The following ZNF546 variants were observed in gnomAD, a reference collection of about 807,000 sequenced individuals.
The protein encoded by ZNF546 is CTC-471F3.6.
A neutral mutation model predicts 76.2 loss-of-function variants in ZNF546; 60 were observed. The observed-to-expected ratio is 0.79, with a 90% CI of 0.64 to 0.98. The LOEUF (loss-of-function observed/expected upper bound fraction) is 0.98. ZNF546 is among the 50% of genes least tolerant of loss of function. The pLI, the probability that ZNF546 is intolerant of heterozygous loss-of-function variation, is 0.00. For synonymous variants in ZNF546, 277 were observed against 328.1 expected (o/e 0.84, Z 1.68); for missense variants, 936 against 1,035.6 (o/e 0.90, Z 1.32).
At chr19:40,003,066 C>T (rs1480426805) in intron 3 of ZNF546, among the ~76,000 whole-genome samples, 2 of 130,790 alleles carry the variant, frequency 1.5e-5, no homozygotes, top group African/African-American at 2.9e-5. Context: ...GACAGAGTCT[C>T]GCTCTGTCGC....
chr19:40,006,022 G>A, intron 3 of ZNF546, 74 bp from the exon 4 acceptor site: 2 of 1,250,524 alleles, frequency 1.6e-6, no homozygotes, highest in Non-Finnish European at 2.3e-6. Context: ...GGCATAACAG[G>A]ATCTTATTAA....
intron 3 of ZNF546, among the ~76,000 whole-genome samples, chr19:40,000,762 G>C (rs1007797549): frequency 1.3e-5 from 2 of 152,038 alleles, no homozygotes; most frequent in South Asian, 4.1e-4. Flanking sequence ...TATTACAGCA[G>C]TTCCCAACCT....
In ZNF546 at chr19:40,018,643, C is replaced by CT. The variant is rs1971812105; in HGVS notation, c.*2863dup. On this transcript the variant is annotated 3_prime_UTR_variant, in exon 7 of 7. Transcript: ENST00000347077. ...AGGAATAACACTGTGATTTCCACGA[C>CT]TAAGTCATAAAAGGCAATACAGCTT... 2 of 152,210 alleles carry CT rather than the reference C, an allele frequency of 1.3e-5. No homozygotes were observed. The highest frequency in any genetic ancestry group is 2.9e-5 in the Non-Finnish European group (2 of 68,048). The allele number at this position is 152,210 out of a possible 1,614,324, so 9.4% of individuals were successfully genotyped here. A position where few individuals can be genotyped will look rare whatever the true frequency, so the allele number is the denominator to read the frequency against.
At chr19:40,002,797 G>A (rs571255260) in intron 3 of ZNF546, among the ~76,000 whole-genome samples, 12 of 150,166 alleles carry the variant, frequency 8.0e-5, no homozygotes, top group African/African-American at 2.9e-4. Flanking sequence ...CCTCCCGGGT[G>A]GAAGCGATTT....
chr19:40,008,126 G>T (rs144624262), intron 5 of ZNF546, among the ~76,000 whole-genome samples: 1 of 152,312 alleles, frequency 6.6e-6, no homozygotes, highest in African/African-American at 2.4e-5. Flanking sequence ...GTGAATATGT[G>T]CAGGGTAACT....
At position 40,013,903 on chromosome 19, in the gene ZNF546, T is replaced by C. The variant is rs1396852332; in HGVS notation, c.633T>C (p.His211=). ...CTCATCCTCTACATCCAAAAATTCA[T>C]GCTAGAGAGAAATCATATGAATGTA... ...QISHPLHPKI[H]AREKSYECKE... The change falls in exon 7 of 7, where the codon CAT becomes CAC. Residue 211 remains histidine, a synonymous_variant. Transcript: ENST00000347077. 1 of 1,607,748 alleles carries C rather than the reference T, an allele frequency of 6.2e-7. No homozygotes were observed. The highest frequency in any genetic ancestry group is 1.3e-5 in the African/African-American group (1 of 74,556).
At position 40,017,358 on chromosome 19, in the gene ZNF546, C is replaced by T. The variant is rs1264178577; in HGVS notation, c.*1577C>T. On this transcript the variant is annotated 3_prime_UTR_variant, in exon 7 of 7. Coordinates refer to ENST00000347077, the MANE Select transcript of ZNF546 (RefSeq NM_178544.5). ...TGATAAATTAAAAACAGCCACTATC[C>T]ATTTGGAAAACTTAAAAGAATAATG... 2.0e-5 allele frequency: 3 copies of T among 149,782 alleles called. No individual in the cohort carries two copies. The highest frequency in any genetic ancestry group is 2.9e-5 in the Non-Finnish European group (2 of 67,992). 9.3% of individuals were successfully genotyped at this position (149,782 alleles called of 1,614,324 possible). A position where few individuals can be genotyped will look rare whatever the true frequency, so the allele number is the denominator to read the frequency against.
At position 40,015,344 on chromosome 19, in the gene ZNF546, C is replaced by G. The variant is rs535418950; in HGVS notation, c.2074C>G (p.Pro692Ala). 1.2e-6 allele frequency: 2 copies of G among 1,614,090 alleles called. No individual in the cohort carries two copies. Among genetic ancestry groups the G allele is most frequent in the East Asian group, 4.5e-5 (2 of 44,874 alleles). Residue 692 changes from proline to alanine, a missense_variant, in exon 7 of 7, where the codon CCC (proline) becomes GCC (alanine). Pro to Ala is a conservative substitution (Grantham distance 27). Coordinates refer to ENST00000347077, the MANE Select transcript of ZNF546 (RefSeq NM_178544.5). ...TCACAGAGGCCATACTGGTGAGAAG[C>G]CCTACATATGTAATGAATGTGGGAA... The part of the protein sequence containing the change: ...QHHRGHTGEK[P>A]YICNECGNAF...
At chr19:39,998,219 A>G (rs930449273) in intron 2 of ZNF546, 29 bp from the exon 3 acceptor site, 13 of 783,622 alleles carry the variant, frequency 1.7e-5, no homozygotes, top group Non-Finnish European at 2.5e-5. Context: ...AAATCTTTAA[A>G]TAAATGCATA....
chr19:40,015,062 C>T lies in ZNF546; in HGVS notation c.1792C>T (p.Gln598Ter). ...KIFSRRYNLT[Q>*]HFKIHTGEKP... ...TTTTAGTCGTCGCTATAATCTTACTCAACATTTTAAAATTCATACTGGTGA... is the reference window on the plus strand; with the variant it reads ...TTTTAGTCGTCGCTATAATCTTACTTAACATTTTAAAATTCATACTGGTGA... Residue 598 changes from glutamine to a stop codon, truncating the protein, a stop_gained, in exon 7 of 7, where the codon CAA (glutamine) becomes TAA (stop). Coordinates refer to ENST00000347077, the MANE Select transcript of ZNF546 (RefSeq NM_178544.5). LOFTEE classifies it high-confidence loss of function. 1.2e-6 allele frequency: 2 copies of T among 1,613,940 alleles called. No homozygotes were observed. The highest frequency in any genetic ancestry group is 1.1e-5 in the South Asian group (1 of 91,068).
intron 4 of ZNF546, among the ~76,000 whole-genome samples, chr19:40,006,879 G>C (rs757244241): frequency 6.6e-6 from 1 of 152,190 alleles, no homozygotes; most frequent in Non-Finnish European, 1.5e-5. Context: ...TTTGCATCAT[G>C]ATGAACCAGA....
At chr19:40,010,448 T>G (rs951073250) in intron 6 of ZNF546, among the ~76,000 whole-genome samples, 1 of 152,088 alleles carries the variant, frequency 6.6e-6, no homozygotes, top group Admixed American at 6.5e-5. Flanking sequence ...CTTTTTACTT[T>G]CCCAGCAGAA....
chr19:40,014,778 G>C lies in ZNF546; in HGVS notation c.1508G>C (p.Gly503Ala), dbSNP rs140296932. Reference sequence around the variant, plus strand: ...ATTCCCTATGAATGTAAGGAATGTGGAAAAACCTTCAGTAGTCGCTATCAT... The same window carrying C: ...ATTCCCTATGAATGTAAGGAATGTGCAAAAACCTTCAGTAGTCGCTATCAT... ...GEIPYECKEC[G>A]KTFSSRYHLT... Residue 503 changes from glycine (G) to alanine (A), a missense_variant, in exon 7 of 7, where the codon GGA becomes GCA. By Grantham distance (60) the Gly-to-Ala change is moderately conservative (BLOSUM62 0). Coordinates refer to ENST00000347077, the MANE Select transcript of ZNF546 (RefSeq NM_178544.5). 2.1e-4 allele frequency: 336 copies of C among 1,613,716 alleles called. No individual in the cohort carries two copies. In the African/African-American group the frequency reaches 3.7e-3, roughly 18 times the overall value.
intron 6 of ZNF546, among the ~76,000 whole-genome samples, chr19:40,013,162 C>A (rs1438133720): frequency 6.6e-6 from 1 of 152,150 alleles, no homozygotes; most frequent in East Asian, 1.9e-4. Context: ...ATTTTGCCTT[C>A]TTTTAAATTG....
At chr19:40,001,219 G>A (rs1971525275) in intron 3 of ZNF546, among the ~76,000 whole-genome samples, 2 of 152,180 alleles carry the variant, frequency 1.3e-5, no homozygotes, top group African/African-American at 4.8e-5. Flanking sequence ...CTTCTGCTGT[G>A]TGGCACAGTT....
rs1971757712 is a variant in ZNF546 at position 40,015,772 on chromosome 19, C to T, written c.2502C>T (p.Cys834=). ...QRNHISEEVL[C]IM Reference sequence around the variant, plus strand: ...ATCATATTAGTGAGGAAGTCCTATGCATAATGTAAAGAGAATACGATGGCC... The same window carrying T: ...ATCATATTAGTGAGGAAGTCCTATGTATAATGTAAAGAGAATACGATGGCC... Residue 834 remains cysteine, a synonymous_variant, in exon 7 of 7, where the codon TGC becomes TGT. Transcript: ENST00000347077. 6.2e-7 allele frequency: 1 copy of T among 1,612,374 alleles called. No individual in the cohort carries two copies. The highest frequency in any genetic ancestry group is 8.5e-7 in the Non-Finnish European group (1 of 1,179,010).
intron 3 of ZNF546, among the ~76,000 whole-genome samples, chr19:40,004,307 G>A (rs565820823): frequency 1.3e-5 from 2 of 151,568 alleles, no homozygotes; most frequent in African/African-American, 4.8e-5. Context: ...CACTCCCGTC[G>A]CACAGGCTGG....
chr19:40,007,885 C>T (rs765989325), intron 5 of ZNF546, among the ~76,000 whole-genome samples: 2 of 152,074 alleles, frequency 1.3e-5, no homozygotes, highest in Non-Finnish European at 2.9e-5. Context: ...ACCTGCTTTG[C>T]GGTTGAAAGT....
rs543046847 is a variant in ZNF546, at chr19:39,998,773, AT to A, written c.84+372del. On this transcript the variant is annotated intron_variant, in intron 3 of 6. Transcript: ENST00000347077. ...TCATAGTGATGAAGAATAATACGCAATTTTTTTTTCTTTTTTTGAGAAGGAG... is the reference window on the plus strand; with the variant it reads ...TCATAGTGATGAAGAATAATACGCAATTTTTTTTCTTTTTTTGAGAAGGAG... 7.8e-3 allele frequency among the ~76,000 whole-genome samples: 1,177 copies of A among 151,678 alleles called. 13 individuals carry two copies. The highest frequency in any genetic ancestry group is 0.027 in the African/African-American group (1,117 of 41,374).
Sources: gnomAD v4.1 joint callset for allele counts (sites outside exome capture counted in the v4.1 genomes callset) on GRCh38, gnomAD v4.1.1 for gene constraint, MANE v1.5 for transcripts, NCBI Gene and HGNC (gene_info 2026-07-23, HGNC 2026-07-21) for gene names.